The following TAS2R1 variants were observed in gnomAD, a reference collection of about 807,000 sequenced individuals.
The protein encoded by TAS2R1 is taste 2 receptor member 1.
For missense variants in TAS2R1, 370 were observed against 353.4 expected (o/e 1.05, Z -0.38); for synonymous variants, 141 against 134.2 (o/e 1.05, Z -0.35).
the TAS2R1 span, among the ~76,000 whole-genome samples, chr5:9,893,548 T>A: frequency 6.6e-6 from 1 of 152,086 alleles, no homozygotes; most frequent in African/African-American, 2.4e-5. Flanking sequence ...CACTTCAAAA[T>A]TTTTTTTAAG....
the TAS2R1 span, among the ~76,000 whole-genome samples, chr5:9,725,409 GGCTGGCCCTGCTGGCCCT>G: frequency 6.6e-6 from 1 of 152,208 alleles, no homozygotes; most frequent in Non-Finnish European, 1.5e-5. Flanking sequence ...TGGAGCAGCC[GGCTGGCCCTGCTGGCCCT>G]GCTGGCCCTG....
the TAS2R1 span, among the ~76,000 whole-genome samples, chr5:9,794,109 T>A: frequency 6.6e-6 from 1 of 152,222 alleles, no homozygotes; most frequent in Admixed American, 6.5e-5. Flanking sequence ...CCAGGATTTT[T>A]AAAAATCTCT....
the TAS2R1 span, among the ~76,000 whole-genome samples, chr5:9,850,605 C>T: frequency 2.0e-5 from 3 of 152,234 alleles, no homozygotes; most frequent in South Asian, 4.1e-4. Context: ...AGAACTGGCA[C>T]ATGCTGGGCT....
chr5:9,691,830 G>T (rs953027055), intron 1 of TAS2R1, among the ~76,000 whole-genome samples: 1 of 151,830 alleles, frequency 6.6e-6, no homozygotes, highest in African/African-American at 2.4e-5. Flanking sequence ...GACTTAAAAA[G>T]AAAAAGTCCC....
chr5:9,892,671 C>T, the TAS2R1 span, among the ~76,000 whole-genome samples: 11 of 152,232 alleles, frequency 7.2e-5, no homozygotes, highest in South Asian at 2.3e-3. Flanking sequence ...GCACTTGACC[C>T]CCCTCCACTG....
chr5:9,723,134 G>A, the TAS2R1 span, among the ~76,000 whole-genome samples: 1 of 152,166 alleles, frequency 6.6e-6, no homozygotes, highest in Admixed American at 6.5e-5. Flanking sequence ...TGTTCCCGGG[G>A]TTCCCAGCTT....
chr5:9,745,546 CATGGTACTGGTACCAAAACAGA>C, the TAS2R1 span, among the ~76,000 whole-genome samples: 1 of 152,088 alleles, frequency 6.6e-6, no homozygotes, highest in African/African-American at 2.4e-5. Flanking sequence ...ACCAAAACAG[CATGGTACTGGTACCAAAACAGA>C]TACACAGACC....
intron 1 of TAS2R1, among the ~76,000 whole-genome samples, chr5:9,711,736 C>G (rs560331049): frequency 6.6e-6 from 1 of 152,128 alleles, no homozygotes; most frequent in Non-Finnish European, 1.5e-5. Context: ...GGTGCAATCT[C>G]GCTGCAAACT....
At chr5:9,761,167 A>G in the TAS2R1 span, among the ~76,000 whole-genome samples, 1 of 152,222 alleles carries the variant, frequency 6.6e-6, no homozygotes, top group South Asian at 2.1e-4. Flanking sequence ...TTGTGGAAAA[A>G]TGTTCACCCA....
intron 1 of TAS2R1, among the ~76,000 whole-genome samples, chr5:9,677,046 A>G (rs1185829797): frequency 6.6e-6 from 1 of 152,246 alleles, no homozygotes; most frequent in African/African-American, 2.4e-5. Flanking sequence ...AAAATGTAGT[A>G]GATACACACA....
the TAS2R1 span, among the ~76,000 whole-genome samples, chr5:9,725,626 T>C: frequency 3.0e-4 from 46 of 152,186 alleles, no homozygotes; most frequent in South Asian, 9.3e-3. Context: ...CCCGTGGGCT[T>C]CTGTGCGGCC....
At chr5:9,882,635 T>C in the TAS2R1 span, among the ~76,000 whole-genome samples, 2 of 151,952 alleles carry the variant, frequency 1.3e-5, no homozygotes, top group Non-Finnish European at 2.9e-5. Context: ...TCAAAAAATA[T>C]AAATAAATTA....
chr5:9,886,482 C>T, the TAS2R1 span, among the ~76,000 whole-genome samples: 1 of 151,722 alleles, frequency 6.6e-6, no homozygotes, highest in Non-Finnish European at 1.5e-5. Context: ...CAGTTGCCCA[C>T]CACCATGCCC....
chr5:9,850,074 T>C, the TAS2R1 span, among the ~76,000 whole-genome samples: 2 of 152,194 alleles, frequency 1.3e-5, no homozygotes, highest in Non-Finnish European at 2.9e-5. Flanking sequence ...CTATGCATGG[T>C]CTATTCCACC....
chr5:9,824,720 G>A, the TAS2R1 span, among the ~76,000 whole-genome samples: 35 of 151,990 alleles, frequency 2.3e-4, no homozygotes, highest in African/African-American at 8.0e-4. Context: ...GGTGGTGGGC[G>A]CCTGTAATCC....
At chr5:9,876,590 T>C in the TAS2R1 span, among the ~76,000 whole-genome samples, 1 of 152,230 alleles carries the variant, frequency 6.6e-6, no homozygotes, top group Non-Finnish European at 1.5e-5. Context: ...TTGCCTTTGC[T>C]GGTGGGGTTT....
chr5:9,724,813 T>C, the TAS2R1 span, among the ~76,000 whole-genome samples: 2 of 152,234 alleles, frequency 1.3e-5, no homozygotes, highest in East Asian at 3.8e-4. Flanking sequence ...AAAGTGGGTA[T>C]GGAGGCACTT....
chr5:9,903,573 T>C, the TAS2R1 span: 2 of 152,016 alleles, frequency 1.3e-5, no homozygotes, highest in African/African-American at 4.8e-5. Flanking sequence ...GAACAGATGA[T>C]GTTTGGTTTT....
chr5:9,802,892 G>A, the TAS2R1 span, among the ~76,000 whole-genome samples: 1 of 152,092 alleles, frequency 6.6e-6, no homozygotes, highest in African/African-American at 2.4e-5. Flanking sequence ...AACACAGCGA[G>A]ACTCCGTCTA....
Sources: gnomAD v4.1 joint callset for allele counts (sites outside exome capture counted in the v4.1 genomes callset) on GRCh38, gnomAD v4.1.1 for gene constraint, MANE v1.5 for transcripts, NCBI Gene and HGNC (gene_info 2026-07-23, HGNC 2026-07-21) for gene names.